The following SOX5 variants were observed in gnomAD, a reference collection of about 807,000 sequenced individuals.
SOX5 encodes SRY-box transcription factor 5, also known as transcription factor SOX-5.
In SOX5, 9 loss-of-function variants were observed where a neutral mutation model predicts 92.0. The ratio of observed to expected loss-of-function variants is 0.10; its 90% confidence interval spans 0.06 to 0.17. SOX5 has a LOEUF of 0.17. SOX5 is among the 10% of genes least tolerant of loss of function. SOX5 has a pLI of 1.00. For synonymous variants in SOX5, 344 were observed against 336.3 expected (o/e 1.02, Z -0.25); for missense variants, 642 against 944.5 (o/e 0.68, Z 4.20).
intron 4 of SOX5, among the ~76,000 whole-genome samples, chr12:24,047,590 A>C (rs6487371): frequency 0.93 from 142,014 of 152,228 alleles, 66,985 homozygotes; most frequent in South Asian, 1. Flanking sequence ...CCCTACGCAA[A>C]TTTATGGCAC....
At chr12:23,757,478 GACTT>G (rs1481341377) in intron 3 of SOX5, among the ~76,000 whole-genome samples, 1 of 151,760 alleles carries the variant, frequency 6.6e-6, no homozygotes, top group Non-Finnish European at 1.5e-5. Context: ...CTTCCACAAG[GACTT>G]CCAACATTTC....
chr12:24,161,571 T>C (rs550689387), intron 4 of SOX5, among the ~76,000 whole-genome samples: 1 of 152,116 alleles, frequency 6.6e-6, no homozygotes, highest in Non-Finnish European at 1.5e-5. Flanking sequence ...TAAGAAATAA[T>C]ATTATAAAAA....
At chr12:24,347,597 A>G (rs1953469553) in intron 2 of SOX5, among the ~76,000 whole-genome samples, 1 of 152,204 alleles carries the variant, frequency 6.6e-6, no homozygotes, top group South Asian at 2.1e-4. Flanking sequence ...CATCATAGGA[A>G]ATAAATGTGT....
At chr12:23,906,174 T>A (rs544775345) in intron 1 of SOX5, among the ~76,000 whole-genome samples, 18 of 152,348 alleles carry the variant, frequency 1.2e-4, no homozygotes, top group African/African-American at 4.3e-4. Flanking sequence ...TTGTCATTAA[T>A]CGCAAACTGA....
chr12:24,241,228 G>T (rs1341728690), intron 3 of SOX5, among the ~76,000 whole-genome samples: 1 of 152,072 alleles, frequency 6.6e-6, no homozygotes, highest in Non-Finnish European at 1.5e-5. Context: ...AAAACCACAA[G>T]ATTTTTTCTT....
At chr12:24,103,514 C>T (rs1381320890) in intron 4 of SOX5, among the ~76,000 whole-genome samples, 1 of 152,078 alleles carries the variant, frequency 6.6e-6, no homozygotes, top group African/African-American at 2.4e-5. Flanking sequence ...GCCACCATGG[C>T]CAGCTAATAT....
chr12:24,121,567 CTTT>C (rs11286069), intron 4 of SOX5, among the ~76,000 whole-genome samples: 1 of 106,002 alleles, frequency 9.4e-6, no homozygotes. Context: ...AAATGGCTAA[CTTT>C]TTTTTTTTTT....
At chr12:23,789,245 A>AC (rs59614931) in intron 3 of SOX5, among the ~76,000 whole-genome samples, 1 of 149,606 alleles carries the variant, frequency 6.7e-6, no homozygotes, top group African/African-American at 2.5e-5. Context: ...AAAAAAAAAA[A>AC]CATTAAATTA....
chr12:23,997,668 G>A (rs1234373417), intron 4 of SOX5, among the ~76,000 whole-genome samples: 1 of 152,122 alleles, frequency 6.6e-6, no homozygotes, highest in Admixed American at 6.6e-5. Flanking sequence ...AACTTTCAAT[G>A]TGTTTCTCAA....
chr12:23,671,811 T>C (rs529689196), intron 6 of SOX5, among the ~76,000 whole-genome samples: 99 of 152,310 alleles, frequency 6.5e-4, no homozygotes, highest in Middle Eastern at 3.4e-3. Flanking sequence ...AACAGTCACA[T>C]TGGAGTTGTA....
intron 10 of SOX5, among the ~76,000 whole-genome samples, chr12:23,573,061 A>G (rs531325577): frequency 6.6e-6 from 1 of 152,316 alleles, no homozygotes; most frequent in East Asian, 1.9e-4. Flanking sequence ...TCTCAGGAAG[A>G]AGAAAAGTTT....
chr12:23,930,469 C>G (rs148321143), intron 1 of SOX5, among the ~76,000 whole-genome samples: 1 of 151,818 alleles, frequency 6.6e-6, no homozygotes, highest in East Asian at 1.9e-4. Flanking sequence ...GAATTTGCAA[C>G]ATAGACTCAT....
At chr12:24,295,616 T>C (rs11047356) in intron 2 of SOX5, among the ~76,000 whole-genome samples, 5,018 of 152,290 alleles carry the variant, frequency 0.033, 214 homozygotes, top group African/African-American at 0.1. Flanking sequence ...CACGCTAGAG[T>C]TCAGTGGTAC....
At chr12:24,259,921 T>C in intron 3 of SOX5, among the ~76,000 whole-genome samples, 1 of 152,284 alleles carries the variant, frequency 6.6e-6, no homozygotes, top group South Asian at 2.1e-4. Context: ...AAAGTCATCT[T>C]GAAGAAGTTT....
rs181912802 is a variant in SOX5, at chr12:23,707,557, A to G, written c.810+27127T>C. 3.0e-3 allele frequency among the ~76,000 whole-genome samples: 457 copies of G among 152,258 alleles called. 2 individuals carry two copies. The highest frequency in any genetic ancestry group is 2.2e-3 in the Non-Finnish European group (147 of 68,012). ...ATAAGAGTAGAATATACAGAGAGCA[A>G]CGATTATGTGCTACAATTTAACTAT... On this transcript the variant is annotated intron_variant, in intron 6 of 14. Coordinates refer to ENST00000451604, the MANE Select transcript of SOX5 (RefSeq NM_006940.6).
intron 1 of SOX5, among the ~76,000 whole-genome samples, chr12:24,421,683 A>G (rs1965940035): frequency 6.6e-6 from 1 of 152,194 alleles, no homozygotes; most frequent in Admixed American, 6.5e-5. Context: ...GCTACCCAAT[A>G]AAAATCAAAT....
chr12:23,579,269 G>T (rs1172092410), intron 9 of SOX5, among the ~76,000 whole-genome samples: 2 of 152,126 alleles, frequency 1.3e-5, no homozygotes, highest in Non-Finnish European at 2.9e-5. Context: ...GCCAAAAAGT[G>T]CAAGGCCCCA....
intron 4 of SOX5, among the ~76,000 whole-genome samples, chr12:23,984,158 C>G (rs910118446): frequency 6.6e-6 from 1 of 152,116 alleles, no homozygotes; most frequent in African/African-American, 2.4e-5. Flanking sequence ...TATGACAACA[C>G]TGTGCTAAGC....
intron 4 of SOX5, among the ~76,000 whole-genome samples, chr12:24,032,134 C>G (rs1955576634): frequency 6.6e-6 from 1 of 151,714 alleles, no homozygotes; most frequent in Non-Finnish European, 1.5e-5. Context: ...ACTGGTAACA[C>G]TGAAACTGTT....
Sources: gnomAD v4.1 joint callset for allele counts (sites outside exome capture counted in the v4.1 genomes callset) on GRCh38, gnomAD v4.1.1 for gene constraint, MANE v1.5 for transcripts, NCBI Gene and HGNC (gene_info 2026-07-23, HGNC 2026-07-21) for gene names.